Variants in PRH1 observed in about 807,000 individuals in gnomAD.
PRH1 encodes the protein salivary acidic proline-rich phosphoprotein 1/2.
In PRH1, 7 loss-of-function variants were observed where a neutral mutation model predicts 7.9. The observed-to-expected ratio is 0.89, with a 90% CI of 0.50 to 1.67. The LOEUF (loss-of-function observed/expected upper bound fraction) is 1.67, where lower values mean the gene tolerates loss of function less well. Among genes scored for constraint, PRH1 ranks in the 40% most tolerant of loss-of-function variants. The pLI is 0.00. For synonymous variants in PRH1, 45 were observed against 80.8 expected (o/e 0.56, Z 2.38); for missense variants, 109 against 223.6 (o/e 0.49, Z 3.27).
intron 1 of PRH1, among the ~76,000 whole-genome samples, chr12:11,086,952 A>C (rs1237177188): frequency 8.6e-6 from 1 of 116,600 alleles, no homozygotes; most frequent in African/African-American, 2.9e-5. Flanking sequence ...TGAAAATACA[A>C]CTGTCTTTGG....
At chr12:11,070,058 G>C (rs72477418) in intron 1 of PRH1, among the ~76,000 whole-genome samples, 1 of 151,450 alleles carries the variant, frequency 6.6e-6, no homozygotes, top group Non-Finnish European at 1.5e-5. Flanking sequence ...GGGCAGAAGA[G>C]GGCTCCCACC....
intron 1 of PRH1, among the ~76,000 whole-genome samples, chr12:10,977,565 A>T (rs970785744): frequency 5.9e-5 from 9 of 152,188 alleles, no homozygotes; most frequent in African/African-American, 2.2e-4. Flanking sequence ...CAAAGCAATC[A>T]GGCAACAGAA....
intron 1 of PRH1, among the ~76,000 whole-genome samples, chr12:11,065,063 A>G (rs1943753209): frequency 6.6e-6 from 1 of 152,060 alleles, no homozygotes; most frequent in Non-Finnish European, 1.5e-5. Flanking sequence ...GATAATAATA[A>G]TAATTTTTCT....
At chr12:11,147,709 C>T (rs1946910146) in intron 1 of PRH1, among the ~76,000 whole-genome samples, 1 of 152,086 alleles carries the variant, frequency 6.6e-6, no homozygotes, top group African/African-American at 2.4e-5. Context: ...ATTGCTTGTC[C>T]TATTACATTA....
intron 1 of PRH1, among the ~76,000 whole-genome samples, chr12:11,081,954 C>A (rs1944512905): frequency 9.6e-6 from 1 of 104,264 alleles, no homozygotes; most frequent in African/African-American, 3.1e-5. Context: ...CATAGTGTTA[C>A]ATGGATTAGT....
At chr12:11,038,219 T>C (rs1330814509) in intron 1 of PRH1, among the ~76,000 whole-genome samples, 1 of 152,216 alleles carries the variant, frequency 6.6e-6, no homozygotes, top group East Asian at 1.9e-4. Flanking sequence ...CATTTTTTAT[T>C]GTGGAGCATA....
intron 1 of PRH1, among the ~76,000 whole-genome samples, chr12:11,167,924 TG>T (rs1195549841): frequency 8.6e-6 from 1 of 116,214 alleles, no homozygotes; most frequent in Non-Finnish European, 2.1e-5. Context: ...TCCACATGCA[TG>T]GTTTAAAAAA....
chr12:11,082,709 A>T (rs905936062), intron 1 of PRH1, among the ~76,000 whole-genome samples: 1 of 107,606 alleles, frequency 9.3e-6, no homozygotes, highest in African/African-American at 3.0e-5. Flanking sequence ...TTTACTTGCT[A>T]TTTTTTTCTT....
Position 11,087,309 on chromosome 12 carries a change from A to C in PRH1, n.124-40121T>G, listed in dbSNP as rs80342297. On this transcript the variant is annotated intron_variant and non_coding_transcript_variant, in intron 1 of 4. Coordinates refer to the PRH1 transcript ENST00000541977. ...TAGAGATGGAGTTTCCATATGTTGC[A>C]AAGGGAACTCCTGCTCTCAAGGGGT... 1.1e-4 allele frequency among the ~76,000 whole-genome samples: 10 copies of C among 91,178 alleles called. 2 individuals are homozygous for C. The highest frequency in any genetic ancestry group is 3.5e-4 in the African/African-American group (10 of 28,962). 59.8% of individuals were successfully genotyped at this position (91,178 alleles called of 152,430 possible). A position where few individuals can be genotyped will look rare whatever the true frequency, so the allele number is the denominator to read the frequency against.
chr12:11,091,428 T>C (rs202101405), intron 1 of PRH1: 36,658 of 1,020,246 alleles, frequency 0.036, 9,792 homozygotes, highest in Admixed American at 0.081. Flanking sequence ...TAGCTGAATC[T>C]AATAGCTTTG....
At chr12:10,950,842 T>C (rs1275524417) in intron 2 of PRH1, among the ~76,000 whole-genome samples, 2 of 152,044 alleles carry the variant, frequency 1.3e-5, no homozygotes, top group African/African-American at 4.8e-5. Flanking sequence ...AATTCTATCA[T>C]TACTAGTTTG....
At chr12:11,091,703 T>C in intron 1 of PRH1, 1 of 1,259,778 alleles carries the variant, frequency 7.9e-7, no homozygotes, top group Non-Finnish European at 1.1e-6. Context: ...TACAGTCATA[T>C]TTGAAAAGTA....
At chr12:10,968,835 C>T (rs1938645619) in intron 2 of PRH1, among the ~76,000 whole-genome samples, 1 of 152,210 alleles carries the variant, frequency 6.6e-6, no homozygotes, top group Non-Finnish European at 1.5e-5. Context: ...TGCCCGCACC[C>T]CTGAAACCTC....
intron 1 of PRH1, among the ~76,000 whole-genome samples, chr12:11,054,778 C>T (rs1340713541): frequency 6.9e-6 from 1 of 145,256 alleles, no homozygotes; most frequent in African/African-American, 2.5e-5. Context: ...AATACAGATG[C>T]TCAGAATCTG....
chr12:11,000,026 A>G (rs1940506888), intron 1 of PRH1, among the ~76,000 whole-genome samples: 1 of 152,164 alleles, frequency 6.6e-6, no homozygotes, highest in Non-Finnish European at 1.5e-5. Flanking sequence ...GAATAATACT[A>G]CTATCAGCAT....
intron 1 of PRH1, among the ~76,000 whole-genome samples, chr12:11,067,724 G>T (rs1265777857): frequency 6.6e-6 from 1 of 152,078 alleles, no homozygotes; most frequent in Non-Finnish European, 1.5e-5. Flanking sequence ...TTAGCAGGGC[G>T]TGGTGGTGCA....
At chr12:10,897,774 G>GTTGTATTTAATGCTTCATC (rs1949669321) in intron 2 of PRH1, among the ~76,000 whole-genome samples, 1 of 152,092 alleles carries the variant, frequency 6.6e-6, no homozygotes, top group Admixed American at 6.6e-5. Context: ...ACTCACTATT[G>GTTGTATTTAATGCTTCATC]CCACACCACC....
chr12:10,931,311 T>C (rs1462419330), intron 2 of PRH1: 3 of 935,968 alleles, frequency 3.2e-6, no homozygotes, highest in East Asian at 5.4e-5. Flanking sequence ...CTCTCTTAAA[T>C]AGGGTTGGGA....
intron 1 of PRH1, among the ~76,000 whole-genome samples, chr12:10,980,974 C>T (rs1461432590): frequency 6.6e-6 from 1 of 152,160 alleles, no homozygotes; most frequent in African/African-American, 2.4e-5. Context: ...GTTGAAGAGG[C>T]TTCATACTTT....
Sources: gnomAD v4.1 joint callset for allele counts (sites outside exome capture counted in the v4.1 genomes callset) on GRCh38, gnomAD v4.1.1 for gene constraint, MANE v1.5 for transcripts, NCBI Gene and HGNC (gene_info 2026-07-23, HGNC 2026-07-21) for gene names.